The following XPO4 variants were observed in gnomAD, a reference collection of about 807,000 sequenced individuals.
XPO4 encodes exportin-4.
Under a neutral mutation model 143.0 loss-of-function variants are expected in XPO4, and 39 were observed. That is an observed-to-expected ratio of 0.27 (90% CI 0.21 to 0.36). The LOEUF (loss-of-function observed/expected upper bound fraction) is 0.36, where lower values mean the gene tolerates loss of function less well. Among genes scored for constraint, XPO4 ranks in the 10% least tolerant of loss-of-function variants. XPO4 has a pLI of 1.00. For synonymous variants in XPO4, 439 were observed against 474.0 expected (o/e 0.93, Z 0.96); for missense variants, 907 against 1,348.0 (o/e 0.67, Z 5.12).
chr13:20,787,148 G>C, intron 21 of XPO4, 91 bp from the exon 22 acceptor site: 2 of 1,079,510 alleles, frequency 1.9e-6, no homozygotes, highest in Non-Finnish European at 2.6e-6. Context: ...AGAGAGGGTT[G>C]GTTGTTATTC....
intron 9 of XPO4, 25 bp downstream of exon 9, chr13:20,821,679 A>G: frequency 6.3e-7 from 1 of 1,584,476 alleles, no homozygotes; most frequent in Non-Finnish European, 8.6e-7. Flanking sequence ...AAACTGACAC[A>G]ATTTACTTTA....
Position 20,783,710 on chromosome 13 carries a change from A to G in XPO4, c.*12T>C. On this transcript the variant is annotated 3_prime_UTR_variant, in exon 23 of 23. Transcript: ENST00000255305. Reference sequence around the variant, plus strand: ...GCAGAAAGGATCTAAATTAAGCATAAAGTTCTGTTGTTTATTTTACACAAA... The same window carrying G: ...GCAGAAAGGATCTAAATTAAGCATAGAGTTCTGTTGTTTATTTTACACAAA... The G allele has an allele frequency of 6.2e-7, 1 of 1,613,582 alleles. No individual in the cohort carries two copies. The highest frequency in any genetic ancestry group is 1.1e-5 in the South Asian group (1 of 91,070).
intron 9 of XPO4, among the ~76,000 whole-genome samples, chr13:20,810,461 G>A (rs371002824): frequency 7.2e-5 from 11 of 152,232 alleles, no homozygotes; most frequent in South Asian, 2.1e-4. Flanking sequence ...TGTAATACGC[G>A]TTGACTCAAC....
intron 9 of XPO4, among the ~76,000 whole-genome samples, chr13:20,820,016 T>G (rs1039004505): frequency 4.6e-5 from 7 of 152,196 alleles, no homozygotes; most frequent in African/African-American, 1.2e-4. Flanking sequence ...TAAACAGATC[T>G]TTTCCCTCTG....
At chr13:20,867,728 A>G (rs1038674540) in intron 2 of XPO4, among the ~76,000 whole-genome samples, 1 of 133,228 alleles carries the variant, frequency 7.5e-6, no homozygotes, top group African/African-American at 2.5e-5. Context: ...GTAGCTATAG[A>G]TAAGCCTTAC....
rs992131798 is a variant in XPO4 at position 20,811,415 on chromosome 13, G to T, written c.1174-1448C>A. On this transcript the variant is annotated intron_variant, in intron 9 of 22. Coordinates refer to ENST00000255305, the MANE Select transcript of XPO4 (RefSeq NM_022459.5). Reference sequence around the variant, plus strand: ...CGATTCTCCTGCCTCAGCCTCCTGAGTAGCTGGGACTACAAGTGTGCACCA... The same window carrying T: ...CGATTCTCCTGCCTCAGCCTCCTGATTAGCTGGGACTACAAGTGTGCACCA... Among the ~76,000 whole-genome samples the T allele has an allele frequency of 2.0e-5, 3 of 151,750 alleles. No homozygotes were observed. In the South Asian group the frequency reaches 6.3e-4, roughly 32 times the overall value.
At chr13:20,877,039 G>C (rs904543109) in intron 1 of XPO4, among the ~76,000 whole-genome samples, 2 of 151,986 alleles carry the variant, frequency 1.3e-5, no homozygotes, top group Non-Finnish European at 2.9e-5. Flanking sequence ...TGATTGGTGC[G>C]TTTTTACAGA....
At chr13:20,816,391 T>C (rs925873357) in intron 9 of XPO4, among the ~76,000 whole-genome samples, 8 of 152,220 alleles carry the variant, frequency 5.3e-5, no homozygotes, top group African/African-American at 1.9e-4. Flanking sequence ...TGTAGGAATT[T>C]AGAAGTCTTT....
chr13:20,832,959 T>C (rs1466015811), intron 6 of XPO4, among the ~76,000 whole-genome samples: 2 of 150,698 alleles, frequency 1.3e-5, no homozygotes, highest in African/African-American at 4.9e-5. Flanking sequence ...TCCACAAAAA[T>C]AGAATACCAA....
At position 20,800,227 on chromosome 13, in the gene XPO4, G is replaced by C; in HGVS notation, c.2076C>G (p.Val692=). The part of the protein sequence containing the change: ...LLQKVISNLS[V]WSSEQDLAND... ...TTGCAAGGTCCTGCTCACTACTCCAGACTGAGAGGTTACTGATGACTTTTT... is the reference window on the plus strand; with the variant it reads ...TTGCAAGGTCCTGCTCACTACTCCACACTGAGAGGTTACTGATGACTTTTT... Residue 692 remains valine (V), a synonymous_variant, in exon 15 of 23, where the codon GTC becomes GTG. Transcript: ENST00000255305. 1.9e-6 allele frequency: 3 copies of C among 1,614,136 alleles called. No homozygotes were observed. Among genetic ancestry groups the C allele is most frequent in the Non-Finnish European group, 2.5e-6 (3 of 1,180,024 alleles).
chr13:20,840,546 T>G (rs1230445716), intron 6 of XPO4, among the ~76,000 whole-genome samples: 2 of 152,178 alleles, frequency 1.3e-5, no homozygotes, highest in Non-Finnish European at 2.9e-5. Flanking sequence ...TCAACACTTT[T>G]AAACTAAGTT....
rs548084687 is a variant in XPO4 at position 20,811,848 on chromosome 13, C to T, written c.1174-1881G>A. Among the ~76,000 whole-genome samples the T allele has an allele frequency of 7.0e-4, 106 of 152,244 alleles. 2 individuals carry two copies. In the South Asian group the frequency reaches 0.015, roughly 22 times the overall value. On this transcript the variant is annotated intron_variant, in intron 9 of 22. Coordinates refer to ENST00000255305, the MANE Select transcript of XPO4 (RefSeq NM_022459.5). ...ACAGGGCAATGTGAGATGACGCATA[C>T]AGGGTGATGAAGGCCTCTTGGCCTT...
At chr13:20,873,372 T>C (rs1379784190) in intron 1 of XPO4, among the ~76,000 whole-genome samples, 2 of 152,136 alleles carry the variant, frequency 1.3e-5, no homozygotes, top group African/African-American at 4.8e-5. Context: ...AATATCTAAA[T>C]GGTTTCTATT....
chr13:20,806,868 G>A (rs1308932649), intron 13 of XPO4, among the ~76,000 whole-genome samples: 1 of 151,914 alleles, frequency 6.6e-6, no homozygotes, highest in Non-Finnish European at 1.5e-5. Flanking sequence ...TTTTAATACA[G>A]GCTTATCCCT....
chr13:20,796,494 C>T (rs1327719868), intron 17 of XPO4, among the ~76,000 whole-genome samples: 1 of 151,752 alleles, frequency 6.6e-6, no homozygotes, highest in East Asian at 1.9e-4. Flanking sequence ...AGCAAACCAC[C>T]ATGGCATACA....
intron 4 of XPO4, chr13:20,848,328 A>G: frequency 1.0e-6 from 1 of 985,400 alleles, no homozygotes; most frequent in Non-Finnish European, 1.2e-6. Flanking sequence ...TCTGGGCTCT[A>G]ACAGTCCAAG....
intron 6 of XPO4, among the ~76,000 whole-genome samples, chr13:20,832,326 G>A (rs562644107): frequency 3.9e-5 from 6 of 152,264 alleles, no homozygotes; most frequent in South Asian, 2.1e-4. Flanking sequence ...ACACAGGTCC[G>A]TAATTATGCA....
At chr13:20,857,766 A>G in intron 3 of XPO4, 7 of 859,248 alleles carry the variant, frequency 8.1e-6, no homozygotes, top group Non-Finnish European at 9.8e-6. Context: ...ATTAATGCAC[A>G]AAGAAGTAAT....
intron 1 of XPO4, among the ~76,000 whole-genome samples, chr13:20,888,299 C>T (rs567224746): frequency 2.6e-5 from 4 of 151,988 alleles, no homozygotes; most frequent in Non-Finnish European, 5.9e-5. Context: ...TACTACATTG[C>T]CCCAAGTATA....
Sources: gnomAD v4.1 joint callset for allele counts (sites outside exome capture counted in the v4.1 genomes callset) on GRCh38, gnomAD v4.1.1 for gene constraint, MANE v1.5 for transcripts, NCBI Gene and HGNC (gene_info 2026-07-23, HGNC 2026-07-21) for gene names.